Variants in HERC4 observed in about 807,000 individuals in gnomAD.
HERC4 encodes HECT and RLD domain containing E3 ubiquitin protein ligase 4.
HERC4 carries 28 observed loss-of-function variants against 124.3 expected under a neutral mutation model. The ratio of observed to expected loss-of-function variants is 0.23; its 90% CI spans 0.17 to 0.31. The LOEUF (loss-of-function observed/expected upper bound fraction) is 0.31. Ranked by LOEUF, HERC4 falls within the 10% of genes least tolerant of loss-of-function variation. The pLI, the probability that HERC4 is intolerant of heterozygous loss-of-function variation, is 1.00. For missense variants in HERC4, 713 were observed against 1,229.3 expected (o/e 0.58, Z 6.28); for synonymous variants, 407 against 421.5 (o/e 0.97, Z 0.42).
intron 3 of HERC4, among the ~76,000 whole-genome samples, chr10:68,053,703 A>C (rs2040422255): frequency 6.6e-6 from 1 of 152,208 alleles, no homozygotes; most frequent in African/African-American, 2.4e-5. Context: ...GCTAGAACAA[A>C]AAGGCAGAGC....
intron 19 of HERC4, among the ~76,000 whole-genome samples, chr10:67,946,848 A>C (rs139233393): frequency 1.5e-3 from 235 of 152,314 alleles, no homozygotes; most frequent in African/African-American, 5.2e-3. Context: ...TAGATGTTGC[A>C]TTGAGTCAAG....
chr10:68,059,908 A>T (rs111273207), intron 3 of HERC4, among the ~76,000 whole-genome samples: 1 of 115,788 alleles, frequency 8.6e-6, no homozygotes, highest in Non-Finnish European at 1.6e-5. Context: ...TATATTATAT[A>T]ATATTATATA....
At chr10:67,985,581 A>G (rs368515835) in intron 15 of HERC4, among the ~76,000 whole-genome samples, 16 of 152,344 alleles carry the variant, frequency 1.1e-4, no homozygotes, top group African/African-American at 3.8e-4. Context: ...TCACTGATTT[A>G]GATCAGCACA....
chr10:67,982,101 T>C (rs186089958), intron 15 of HERC4, among the ~76,000 whole-genome samples: 1 of 152,170 alleles, frequency 6.6e-6, no homozygotes, highest in Non-Finnish European at 1.5e-5. Flanking sequence ...ATCACAGAAA[T>C]AGGAAACACA....
At chr10:67,958,994 T>A in intron 16 of HERC4, 1 of 635,192 alleles carries the variant, frequency 1.6e-6, no homozygotes, top group Non-Finnish European at 2.7e-6. Context: ...GATACATATA[T>A]ATCTATTTAT....
intron 19 of HERC4, 57 bp downstream of exon 19, chr10:67,954,538 C>T (rs2034015449): frequency 2.2e-6 from 3 of 1,341,748 alleles, no homozygotes; most frequent in East Asian, 4.9e-5. Flanking sequence ...TTGATACATA[C>T]AGGTATAAAT....
At chr10:67,967,524 T>C (rs2034961543) in intron 15 of HERC4, among the ~76,000 whole-genome samples, 2 of 152,118 alleles carry the variant, frequency 1.3e-5, no homozygotes, top group Non-Finnish European at 2.9e-5. Flanking sequence ...GAAGGTGATA[T>C]CTGGACACGA....
Position 67,955,008 on chromosome 10 carries a change from T to C in HERC4, c.2148A>G (p.Glu716=). Residue 716 remains glutamate, a synonymous_variant, in exon 18 of 25, where the codon GAA becomes GAG. Transcript: ENST00000373700. ...RRENIVGDAM[E]VLRKTKNIDY... ...CTATGTTCTTTGTTTTCCTAAGGAC[T>C]TCCATTGCATCTCCTACAATATTTT... 6.2e-7 allele frequency: 1 copy of C among 1,602,570 alleles called. No individual in the cohort carries two copies. The highest frequency in any genetic ancestry group is 8.5e-7 in the Non-Finnish European group (1 of 1,176,152).
At chr10:67,958,993 ATATC>A in intron 16 of HERC4, 1 of 626,720 alleles carries the variant, frequency 1.6e-6, no homozygotes, top group Non-Finnish European at 2.7e-6. Flanking sequence ...TGATACATAT[ATATC>A]TATTTATTTA....
chr10:68,060,485 C>G (rs926561534), intron 3 of HERC4, among the ~76,000 whole-genome samples: 1 of 152,132 alleles, frequency 6.6e-6, no homozygotes, highest in Non-Finnish European at 1.5e-5. Context: ...GTGATCCACC[C>G]GCCTCGACCT....
chr10:67,992,172 G>A (rs1179322557), intron 11 of HERC4, 27 bp downstream of exon 11: 3 of 1,608,514 alleles, frequency 1.9e-6, no homozygotes, highest in East Asian at 2.2e-5. Flanking sequence ...ATGAGCCACT[G>A]TGCCTGGCCC....
intron 19 of HERC4, among the ~76,000 whole-genome samples, chr10:67,952,246 T>C (rs1451980816): frequency 2.0e-5 from 3 of 152,206 alleles, no homozygotes; most frequent in African/African-American, 7.2e-5. Context: ...AACCAAAACG[T>C]GATTAAAATC....
At chr10:68,057,731 G>C (rs1402393472) in intron 3 of HERC4, among the ~76,000 whole-genome samples, 2 of 150,468 alleles carry the variant, frequency 1.3e-5, no homozygotes, top group Non-Finnish European at 3.0e-5. Context: ...TTTTAAGACA[G>C]AGTCTTGTTC....
chr10:67,973,227 C>G (rs2035359308), intron 15 of HERC4, among the ~76,000 whole-genome samples: 1 of 151,968 alleles, frequency 6.6e-6, no homozygotes, highest in African/African-American at 2.4e-5. Flanking sequence ...TGAAGGAGAA[C>G]ATTCTAGGCA....
chr10:68,053,965 C>T (rs2040432720), intron 3 of HERC4, among the ~76,000 whole-genome samples: 1 of 152,112 alleles, frequency 6.6e-6, no homozygotes, highest in African/African-American at 2.4e-5. Context: ...TTGTCAAATA[C>T]CTATTTTAAA....
intron 5 of HERC4, among the ~76,000 whole-genome samples, chr10:68,036,529 T>A (rs570720057): frequency 6.6e-6 from 1 of 152,152 alleles, no homozygotes; most frequent in Non-Finnish European, 1.5e-5. Context: ...TAACTGCCTA[T>A]AGAAGTCCAA....
chr10:67,968,914 TA>T (rs1473334650), intron 15 of HERC4, among the ~76,000 whole-genome samples: 1 of 152,174 alleles, frequency 6.6e-6, no homozygotes, highest in African/African-American at 2.4e-5. Context: ...ATGATCTGAA[TA>T]ACAATTTAAA....
At position 67,940,994 on chromosome 10, in the gene HERC4, G is replaced by C; in HGVS notation, c.2449C>G (p.Leu817Val). 2 of 1,611,572 alleles carry C rather than the reference G, an allele frequency of 1.2e-6. No individual in the cohort carries two copies. Among genetic ancestry groups the C allele is most frequent in the Non-Finnish European group, 8.5e-7 (1 of 1,179,336 alleles). Residue 817 changes from leucine (L) to valine (V), a missense_variant, in exon 20 of 25, where the codon CTG (leucine) becomes GTG (valine). By Grantham distance (32) the Leu-to-Val change is conservative. Transcript: ENST00000373700. ...HFPLALYKKL[L>V]KKKPSLDDLK... ...TCATCCAAGGATGGCTTCTTTTTCA[G>C]TAGTTTCTTATATAAAGCCAAAGGA...
At chr10:67,967,132 G>A (rs1049519198) in intron 15 of HERC4, among the ~76,000 whole-genome samples, 1 of 152,190 alleles carries the variant, frequency 6.6e-6, no homozygotes, top group Non-Finnish European at 1.5e-5. Context: ...GGGATTACAG[G>A]CGTGAGCCAC....
Sources: allele counts gnomAD v4.1 joint callset (sites outside exome capture counted in the v4.1 genomes callset), GRCh38; gene constraint gnomAD v4.1.1; transcripts MANE v1.5; gene names NCBI Gene and HGNC (gene_info 2026-07-23, HGNC 2026-07-21).